TDP1: variants seen among roughly 807,000 people sequenced by gnomAD.
The protein encoded by TDP1 is tyrosyl-DNA phosphodiesterase 1.
TDP1 carries 64 observed loss-of-function variants against 81.5 expected under a neutral mutation model. The observed-to-expected ratio is 0.79, with a 90% CI of 0.64 to 0.97. The LOEUF (loss-of-function observed/expected upper bound fraction) is 0.97, where lower values mean the gene tolerates loss of function less well. Among genes scored for constraint, TDP1 ranks in the 50% least tolerant of loss-of-function variants. TDP1 has a pLI of 0.00. For synonymous variants in TDP1, 256 were observed against 264.3 expected (o/e 0.97, Z 0.30); for missense variants, 723 against 743.8 (o/e 0.97, Z 0.33).
At chr14:90,027,407 T>G (rs576188478) in intron 15 of TDP1, among the ~76,000 whole-genome samples, 1 of 152,036 alleles carries the variant, frequency 6.6e-6, no homozygotes, top group South Asian at 2.1e-4. Flanking sequence ...CGAGATGATG[T>G]CCGGACTCCT....
At chr14:89,980,485 A>G in intron 7 of TDP1, 55 bp from the exon 8 acceptor site, 4 of 1,528,902 alleles carry the variant, frequency 2.6e-6, no homozygotes, top group Non-Finnish European at 3.6e-6. Context: ...TTGGAAAGGT[A>G]TTACATATTT....
chr14:90,023,398 A>C (rs1886312447), intron 15 of TDP1, among the ~76,000 whole-genome samples: 1 of 152,140 alleles, frequency 6.6e-6, no homozygotes, highest in Non-Finnish European at 1.5e-5. Context: ...TCCAATCTGA[A>C]GGAGACTGGA....
intron 11 of TDP1, 105 bp downstream of exon 11, chr14:89,989,195 CTTTTT>C: frequency 2.7e-6 from 2 of 748,570 alleles, no homozygotes; most frequent in Middle Eastern, 5.4e-4. Flanking sequence ...TTCTGTGATT[CTTTTT>C]TTTTTTTTGG....
intron 7 of TDP1, among the ~76,000 whole-genome samples, chr14:89,976,527 CTTTT>C (rs35744477): frequency 4.5e-5 from 4 of 88,760 alleles, no homozygotes; most frequent in Admixed American, 2.7e-4. Context: ...CAACAGAGCT[CTTTT>C]TTTTTTTTTT....
Position 90,037,560 on chromosome 14 carries a change from A to G in TDP1, c.1753+4346A>G, listed in dbSNP as rs34943637. ...TTCCAAATTTACAGAAAAGTTTACA[A>G]GAAGAGTACAAAGAATTCCTGCACA... On this transcript the variant is annotated intron_variant, in intron 16 of 16. Transcript: ENST00000335725. 5.8e-3 allele frequency among the ~76,000 whole-genome samples: 876 copies of G among 152,264 alleles called. 12 individuals carry two copies. The highest frequency in any genetic ancestry group is 0.02 in the African/African-American group (813 of 41,562).
At chr14:90,013,367 T>C (rs974912770) in intron 14 of TDP1, among the ~76,000 whole-genome samples, 17 of 152,042 alleles carry the variant, frequency 1.1e-4, no homozygotes, top group African/African-American at 4.1e-4. Context: ...TGGGAGGTAA[T>C]TGAATCATGG....
At chr14:89,955,691 T>G (rs995111186), upstream of TDP1, 4 of 152,340 alleles carry the variant, frequency 2.6e-5, no homozygotes, top group East Asian at 7.7e-4. Flanking sequence ...AGTCTTGCTA[T>G]TAGTTAACTA....
chr14:90,037,194 C>A (rs969422545), intron 16 of TDP1, among the ~76,000 whole-genome samples: 3 of 152,110 alleles, frequency 2.0e-5, no homozygotes, highest in Non-Finnish European at 4.4e-5. Context: ...TGCTGTGTGA[C>A]CTTGATTTTG....
intron 13 of TDP1, 131 bp downstream of exon 13, chr14:89,992,114 G>A (rs1896254174): frequency 1.4e-6 from 1 of 737,440 alleles, no homozygotes. Flanking sequence ...ACATATGTTA[G>A]TGATAGAAAT....
At chr14:90,023,658 C>T (rs906508469) in intron 15 of TDP1, among the ~76,000 whole-genome samples, 3 of 152,156 alleles carry the variant, frequency 2.0e-5, no homozygotes, top group Admixed American at 2.0e-4. Flanking sequence ...TAATGAGTCA[C>T]TGTTACTATT....
intron 7 of TDP1, 149 bp from the exon 8 acceptor site, chr14:89,980,391 T>G: frequency 2.1e-6 from 3 of 1,405,842 alleles, no homozygotes; most frequent in Non-Finnish European, 2.9e-6. Flanking sequence ...ATCATGGTAA[T>G]GTATAGAAGG....
intron 6 of TDP1, among the ~76,000 whole-genome samples, chr14:89,974,062 A>C (rs1032372719): frequency 1.3e-5 from 2 of 152,258 alleles, no homozygotes; most frequent in African/African-American, 2.4e-5. Flanking sequence ...TCACATTGGA[A>C]GTTGGGGCTT....
intron 14 of TDP1, among the ~76,000 whole-genome samples, chr14:89,994,888 A>G (rs1007878714): frequency 1.3e-5 from 2 of 152,232 alleles, no homozygotes; most frequent in African/African-American, 2.4e-5. Context: ...CAGGATTTTC[A>G]GGGAAAATCT....
intron 15 of TDP1, 93 bp from the exon 16 acceptor site, chr14:90,033,013 A>T: frequency 8.5e-7 from 1 of 1,175,816 alleles, no homozygotes; most frequent in Non-Finnish European, 1.2e-6. Context: ...TTTAGGTACC[A>T]TAAAGATATT....
intron 6 of TDP1, 67 bp downstream of exon 6, chr14:89,971,338 C>G: frequency 8.6e-7 from 1 of 1,168,828 alleles, no homozygotes; most frequent in Admixed American, 1.7e-5. Context: ...GACATTTAGT[C>G]CACCCTCTCA....
At chr14:89,993,601 T>C (rs1896410664) in intron 14 of TDP1, 118 bp downstream of exon 14, 2 of 1,490,862 alleles carry the variant, frequency 1.3e-6, no homozygotes, top group Non-Finnish European at 1.8e-6. Context: ...GTTTTCAGTA[T>C]GTTTGTGTTA....
intron 12 of TDP1, chr14:89,991,553 G>A (rs997639182): frequency 6.1e-6 from 6 of 984,722 alleles, no homozygotes; most frequent in Non-Finnish European, 7.2e-6. Flanking sequence ...ATGTTGAATG[G>A]GTTTCTAAAA....
chr14:90,027,240 T>C (rs967436977), intron 15 of TDP1, among the ~76,000 whole-genome samples: 1 of 152,174 alleles, frequency 6.6e-6, no homozygotes, highest in Non-Finnish European at 1.5e-5. Context: ...CAAGAATTTC[T>C]CTGCCTGTTC....
At chr14:89,979,136 C>G (rs562677334) in intron 7 of TDP1, among the ~76,000 whole-genome samples, 2 of 152,178 alleles carry the variant, frequency 1.3e-5, no homozygotes, top group East Asian at 3.9e-4. Context: ...GACAGAGTTA[C>G]AGCCATGAGA....
Sources: allele counts gnomAD v4.1 joint callset (sites outside exome capture counted in the v4.1 genomes callset), GRCh38; gene constraint gnomAD v4.1.1; transcripts MANE v1.5; gene names NCBI Gene and HGNC (gene_info 2026-07-23, HGNC 2026-07-21).